The following PITPNC1 variants were observed in gnomAD, a reference collection of about 807,000 sequenced individuals.
PITPNC1 encodes the protein cytoplasmic phosphatidylinositol transfer protein 1.
A neutral mutation model predicts 44.7 loss-of-function variants in PITPNC1; 18 were observed. The observed-to-expected ratio is 0.40, with a 90% CI of 0.28 to 0.60. PITPNC1 has a LOEUF of 0.60. Among genes scored for constraint, PITPNC1 ranks in the 20% least tolerant of loss-of-function variants. PITPNC1 has a pLI of 0.39. For synonymous variants in PITPNC1, 141 were observed against 149.6 expected, an observed-to-expected ratio of 0.94 and a Z score of 0.42; for missense variants, 290 against 418.4, an observed-to-expected ratio of 0.69 and a Z score of 2.68.
At chr17:67,409,248 C>G (rs1245402401) in intron 1 of PITPNC1, among the ~76,000 whole-genome samples, 1 of 150,830 alleles carries the variant, frequency 6.6e-6, no homozygotes, top group Non-Finnish European at 1.5e-5. Context: ...CCGCGCCCGG[C>G]TAATTTTTTG....
At chr17:67,621,162 G>A (rs1392427068) in intron 5 of PITPNC1, among the ~76,000 whole-genome samples, 1 of 113,118 alleles carries the variant, frequency 8.8e-6, no homozygotes, top group Non-Finnish European at 2.1e-5. Flanking sequence ...GACTACTAGA[G>A]TACTCTTGTC....
chr17:67,549,094 C>T (rs1227375369), intron 2 of PITPNC1, among the ~76,000 whole-genome samples: 1 of 152,176 alleles, frequency 6.6e-6, no homozygotes, highest in Non-Finnish European at 1.5e-5. Context: ...CATCATGGAA[C>T]TTGTTGCAAA....
In PITPNC1 at chr17:67,645,343, GAAAAAA is replaced by G. The variant is rs57827214; in HGVS notation, c.462+13119_462+13124del. On this transcript the variant is annotated intron_variant, in intron 6 of 8. Coordinates refer to ENST00000581322, the MANE Select transcript of PITPNC1 (RefSeq NM_012417.4). The stretch of plus-strand genomic sequence containing the variant: ...GCAACAAGAGCGAAACTCCATCTCA[GAAAAAA>G]AAAAAAAAAAAAAGAGAAAGTGATT... Among the ~76,000 whole-genome samples the G allele has an allele frequency of 5.1e-3, 413 of 81,302 alleles. 4 individuals carry two copies. Among genetic ancestry groups the G allele is most frequent in the African/African-American group, 0.016 (393 of 24,658 alleles). 53.3% of individuals were successfully genotyped at this position (81,302 alleles called of 152,430 possible).
At chr17:67,553,699 T>C in intron 4 of PITPNC1, 82 bp downstream of exon 4, 2 of 514,880 alleles carry the variant, frequency 3.9e-6, no homozygotes, top group Non-Finnish European at 6.8e-6. Flanking sequence ...ACTTGTCTTA[T>C]CAATGTAATA....
intron 1 of PITPNC1, among the ~76,000 whole-genome samples, chr17:67,458,467 A>G (rs967290231): frequency 1.3e-5 from 2 of 151,964 alleles, no homozygotes; most frequent in Non-Finnish European, 2.9e-5. Context: ...TATTTAATCT[A>G]TCTATTGCAT....
chr17:67,436,930 T>G (rs1482574549), intron 1 of PITPNC1, among the ~76,000 whole-genome samples: 1 of 136,326 alleles, frequency 7.3e-6, no homozygotes, highest in African/African-American at 2.8e-5. Context: ...TTTTTTTTTT[T>G]TTTTTTGAGA....
At chr17:67,491,167 C>T (rs1340519328) in intron 1 of PITPNC1, among the ~76,000 whole-genome samples, 2 of 152,242 alleles carry the variant, frequency 1.3e-5, no homozygotes, top group East Asian at 3.9e-4. Flanking sequence ...GGAGCCGGAG[C>T]CAGCCCCATA....
At chr17:67,514,012 A>G (rs897270469) in intron 1 of PITPNC1, among the ~76,000 whole-genome samples, 11 of 135,426 alleles carry the variant, frequency 8.1e-5, no homozygotes, top group South Asian at 4.7e-4. Flanking sequence ...CAAAGAAGGG[A>G]AAAAAAAAAA....
At chr17:67,682,149 C>T (rs151296225) in intron 8 of PITPNC1, among the ~76,000 whole-genome samples, 2,079 of 151,804 alleles carry the variant, frequency 0.014, 58 homozygotes, top group African/African-American at 0.048. Context: ...TACAGTGAGC[C>T]GAGATGGCGC....
At chr17:67,439,363 C>CATTTG (rs2038980108) in intron 1 of PITPNC1, among the ~76,000 whole-genome samples, 1 of 152,186 alleles carries the variant, frequency 6.6e-6, no homozygotes. Flanking sequence ...TAATAGACTA[C>CATTTG]ATTTGCAGAA....
rs147513693 is a variant in PITPNC1, at chr17:67,412,640, C to G, written c.48+34438C>G. 1.1e-3 allele frequency among the ~76,000 whole-genome samples: 164 copies of G among 152,256 alleles called. 1 individual carries two copies. In the East Asian group the frequency reaches 0.022, roughly 21 times the overall value. The stretch of plus-strand genomic sequence containing the variant: ...GGAGTGCAGTGGTGTGATCTCCGCT[C>G]ACTGCAACCTCCACCTCCCGGGTTC... On this transcript the variant is annotated intron_variant, in intron 1 of 8. Transcript: ENST00000581322.
At chr17:67,617,555 C>T (rs568357894) in intron 5 of PITPNC1, among the ~76,000 whole-genome samples, 3 of 152,044 alleles carry the variant, frequency 2.0e-5, no homozygotes, top group African/African-American at 4.8e-5. Flanking sequence ...TTCCCAGGGC[C>T]GCCAAAACAA....
intron 5 of PITPNC1, among the ~76,000 whole-genome samples, chr17:67,595,646 C>T (rs993083243): frequency 1.3e-5 from 2 of 152,078 alleles, no homozygotes; most frequent in African/African-American, 2.4e-5. Flanking sequence ...AGCTGTTGCC[C>T]ACCAAATTCT....
intron 1 of PITPNC1, among the ~76,000 whole-genome samples, chr17:67,416,995 A>G (rs953640161): frequency 1.3e-5 from 2 of 151,788 alleles, no homozygotes; most frequent in Non-Finnish European, 2.9e-5. Context: ...TATTTTTAGT[A>G]GAGACGGGGT....
intron 4 of PITPNC1, among the ~76,000 whole-genome samples, chr17:67,575,874 C>CCT (rs777390217): frequency 6.5e-4 from 12 of 18,550 alleles, no homozygotes; most frequent in East Asian, 3.0e-3. Flanking sequence ...TTCTTTCTTT[C>CCT]TTTCCTTTTT....
chr17:67,662,654 G>A (rs1396623053), intron 6 of PITPNC1, among the ~76,000 whole-genome samples: 2 of 152,068 alleles, frequency 1.3e-5, no homozygotes, highest in Non-Finnish European at 2.9e-5. Context: ...TGCCTCCTCT[G>A]GACATTTCAT....
intron 2 of PITPNC1, among the ~76,000 whole-genome samples, chr17:67,535,786 A>G (rs947813511): frequency 5.9e-5 from 9 of 152,224 alleles, no homozygotes; most frequent in Non-Finnish European, 1.0e-4. Flanking sequence ...AACTGAAACC[A>G]GAGTGGAAAG....
At chr17:67,513,099 C>G (rs2040208994) in intron 1 of PITPNC1, among the ~76,000 whole-genome samples, 2 of 152,264 alleles carry the variant, frequency 1.3e-5, no homozygotes, top group South Asian at 4.1e-4. Flanking sequence ...CACAGTGGCT[C>G]ACGCCTATAA....
intron 1 of PITPNC1, chr17:67,525,517 G>GA (rs1010702302): frequency 3.3e-5 from 5 of 152,202 alleles, no homozygotes; most frequent in African/African-American, 1.2e-4. Flanking sequence ...GGGATTACCA[G>GA]AAAAAGAGAC....
Sources: allele counts gnomAD v4.1 joint callset (sites outside exome capture counted in the v4.1 genomes callset), GRCh38; gene constraint gnomAD v4.1.1; transcripts MANE v1.5; gene names NCBI Gene and HGNC (gene_info 2026-07-23, HGNC 2026-07-21).